TBXAS1: variants seen among roughly 807,000 people sequenced by gnomAD.
TBXAS1 encodes the protein thromboxane A synthase 1.
TBXAS1 carries 48 observed loss-of-function variants against 60.7 expected under a neutral mutation model. That is an observed-to-expected ratio of 0.79 (90% CI 0.63 to 1.01). The LOEUF (loss-of-function observed/expected upper bound fraction) is 1.01, where lower values mean the gene tolerates loss of function less well. Ranked by LOEUF, TBXAS1 falls within the 50% of genes least tolerant of loss-of-function variation. The probability of loss-of-function intolerance (pLI) is 0.00; values close to 1 mark genes in which losing one functional copy is unlikely to be tolerated. For missense variants in TBXAS1, 685 were observed against 686.3 expected (o/e 1.00, Z 0.02); for synonymous variants, 287 against 269.7 (o/e 1.06, Z -0.63).
At chr7:139,861,709 T>C (rs187881304) in intron 1 of TBXAS1, among the ~76,000 whole-genome samples, 1 of 152,336 alleles carries the variant, frequency 6.6e-6, no homozygotes, top group African/African-American at 2.4e-5. Context: ...ATTTTTGTAT[T>C]ATTGTGAACT....
At chr7:139,954,276 A>G (rs74530011) in intron 6 of TBXAS1, among the ~76,000 whole-genome samples, 1,847 of 152,330 alleles carry the variant, frequency 0.012, 36 homozygotes, top group African/African-American at 0.042. Context: ...CAGTTTACAC[A>G]GTCTTTTCAT....
Position 140,004,519 on chromosome 7 carries a change from A to C in TBXAS1, c.1135-2572A>C, listed in dbSNP as rs1168827604. 6.6e-6 allele frequency among the ~76,000 whole-genome samples: 1 copy of C among 152,246 alleles called. No individual in the cohort carries two copies. Among genetic ancestry groups the C allele is most frequent in the Non-Finnish European group, 1.5e-5 (1 of 68,040 alleles). ...TTGTGACTTGTTGGCCAGAAGAGAC[A>C]AACACAAACCAAACTCATAAAGATT... On this transcript the variant is annotated intron_variant, in intron 9 of 12. Coordinates refer to ENST00000448866, the MANE Select transcript of TBXAS1 (RefSeq NM_001061.7). The surrounding 1 kb of genome is among the most constrained non-coding windows in gnomAD (Gnocchi z 5.1).
Position 140,013,099 on chromosome 7 carries a change from A to G in TBXAS1, c.1227-2624A>G, listed in dbSNP as rs1320604045. The stretch of plus-strand genomic sequence containing the variant: ...GACTCCATCTCAAAAAAAAAAAAAA[A>G]AAGAAATTGGGGCAAGATGTATGAC... On this transcript the variant is annotated intron_variant, in intron 10 of 12. Transcript: ENST00000448866. The surrounding 1 kb of genome is among the most constrained non-coding windows in gnomAD (Gnocchi z 4.2). Among the ~76,000 whole-genome samples, 1 of 151,978 alleles carries G rather than the reference A, an allele frequency of 6.6e-6. No homozygotes were observed. The highest frequency in any genetic ancestry group is 1.9e-4 in the East Asian group (1 of 5,194).
At chr7:139,950,107 C>A (rs916505461) in intron 5 of TBXAS1, among the ~76,000 whole-genome samples, 11 of 143,048 alleles carry the variant, frequency 7.7e-5, no homozygotes, top group Admixed American at 1.5e-4. Context: ...ATTCTTGGCT[C>A]ACTGCAACCT....
chr7:139,910,719 A>G (rs1317975068), intron 3 of TBXAS1, among the ~76,000 whole-genome samples: 3 of 152,242 alleles, frequency 2.0e-5, no homozygotes, highest in African/African-American at 7.2e-5. Flanking sequence ...GTTCTTCCCA[A>G]GCAGGTTTAA....
intron 4 of TBXAS1, among the ~76,000 whole-genome samples, chr7:139,790,532 C>T (rs959662518): frequency 6.6e-6 from 1 of 152,190 alleles, no homozygotes; most frequent in Admixed American, 6.5e-5. Flanking sequence ...TAGTCAAGGA[C>T]AGTTGACAAA....
At chr7:139,791,884 G>A (rs1016891643) in intron 4 of TBXAS1, among the ~76,000 whole-genome samples, 1 of 143,800 alleles carries the variant, frequency 7.0e-6, no homozygotes. Context: ...TAATTTTAAA[G>A]TATGGGTGGT....
intron 3 of TBXAS1, among the ~76,000 whole-genome samples, chr7:139,905,844 T>A (rs1805032625): frequency 6.6e-6 from 1 of 152,206 alleles, no homozygotes; most frequent in Non-Finnish European, 1.5e-5. Flanking sequence ...AAATTTTTAA[T>A]TTTGATCAAG....
chr7:139,984,893 A>G, intron 9 of TBXAS1, among the ~76,000 whole-genome samples: 1 of 146,298 alleles, frequency 6.8e-6, no homozygotes, highest in South Asian at 2.2e-4. Flanking sequence ...GAAAGAAAGC[A>G]GCAAAGAAAG....
rs745693905 is a variant in TBXAS1, at chr7:139,829,317, G to A, written c.-74G>A. On this transcript the variant is annotated 5_prime_UTR_variant, in exon 1 of 13. Coordinates refer to ENST00000448866, the MANE Select transcript of TBXAS1 (RefSeq NM_001061.7). ...GTTCCCTTTTCTACCTGCAGAGCACGGTTCCCATAAGGGCGGCGAGATCAG... is the reference window on the plus strand; with the variant it reads ...GTTCCCTTTTCTACCTGCAGAGCACAGTTCCCATAAGGGCGGCGAGATCAG... 7.8e-4 allele frequency: 1,106 copies of A among 1,413,994 alleles called. 1 individual carries two copies. The highest frequency in any genetic ancestry group is 1.0e-3 in the Non-Finnish European group (1,019 of 1,012,692). 87.6% of individuals were successfully genotyped at this position (1,413,994 alleles called of 1,614,324 possible).
chr7:139,884,074 A>G (rs552902004), intron 3 of TBXAS1, among the ~76,000 whole-genome samples: 88 of 152,300 alleles, frequency 5.8e-4, no homozygotes, highest in African/African-American at 2.1e-3. Flanking sequence ...AAATTGTTAG[A>G]GGCCATTGTG....
rs1368284515 is a variant in TBXAS1 at position 139,778,841 on chromosome 7, C to T, written c.-318+370C>T. On this transcript the variant is annotated intron_variant, in intron 1 of 16. Transcript: ENST00000336425. The surrounding 1 kb of genome is among the most constrained non-coding windows in gnomAD (Gnocchi z 4.8). ...CAGGTTTGCTTCTCCAGCTGCCTCC[C>T]GGATGCTTGGATAGGATGCCCTGCC... 6.6e-6 allele frequency among the ~76,000 whole-genome samples: 1 copy of T among 152,178 alleles called. No individual in the cohort carries two copies. Among genetic ancestry groups the T allele is most frequent in the Non-Finnish European group, 1.5e-5 (1 of 68,036 alleles).
chr7:139,984,950 G>GAA (rs763284213), intron 9 of TBXAS1, among the ~76,000 whole-genome samples: 2 of 142,542 alleles, frequency 1.4e-5, no homozygotes, highest in Non-Finnish European at 3.0e-5. Flanking sequence ...GAAAAGAAAA[G>GAA]AAAGAAAGAA....
In TBXAS1 at chr7:139,803,668, C is replaced by A. The variant is rs189835566; in HGVS notation, c.-80+16242C>A. ...GTTTCCTGGGCCAGGCCCAGGCCCC[C>A]ACTGTGTGCAGCCTAGGAACTTGGT... On this transcript the variant is annotated intron_variant, in intron 4 of 16. Coordinates refer to the TBXAS1 transcript ENST00000336425. Among the ~76,000 whole-genome samples, 505 of 152,280 alleles carry A rather than the reference C, an allele frequency of 3.3e-3. 1 individual carries two copies. The highest frequency in any genetic ancestry group is 3.8e-3 in the Non-Finnish European group (260 of 68,016).
At chr7:139,884,892 T>C (rs1334180111) in intron 3 of TBXAS1, among the ~76,000 whole-genome samples, 1 of 152,168 alleles carries the variant, frequency 6.6e-6, no homozygotes, top group East Asian at 1.9e-4. Flanking sequence ...CACAGCATCA[T>C]GTGAGGCCCA....
chr7:139,792,108 G>A (rs557699858), intron 4 of TBXAS1, among the ~76,000 whole-genome samples: 6 of 152,136 alleles, frequency 3.9e-5, no homozygotes, highest in Middle Eastern at 3.4e-3. Flanking sequence ...TATCAGTTTC[G>A]TGCATATCAT....
intron 4 of TBXAS1, among the ~76,000 whole-genome samples, chr7:139,794,436 C>G (rs1185438480): frequency 1.3e-5 from 2 of 152,060 alleles, no homozygotes; most frequent in Non-Finnish European, 2.9e-5. Context: ...ACATTTTGTG[C>G]TTTATAATCC....
intron 4 of TBXAS1, among the ~76,000 whole-genome samples, chr7:139,815,463 AAC>A (rs1200391058): frequency 6.6e-6 from 1 of 152,256 alleles, no homozygotes; most frequent in Non-Finnish European, 1.5e-5. Context: ...GGCAGTGAAT[AAC>A]ACAGCCCAAA....
intron 1 of TBXAS1, among the ~76,000 whole-genome samples, chr7:139,841,546 C>G (rs1799451302): frequency 6.7e-6 from 1 of 150,054 alleles, no homozygotes; most frequent in African/African-American, 2.5e-5. Flanking sequence ...GATTTAATAA[C>G]TCAGTGATGA....
Sources: allele counts gnomAD v4.1 joint callset (sites outside exome capture counted in the v4.1 genomes callset), GRCh38; gene constraint gnomAD v4.1.1; non-coding constraint Gnocchi (gnomAD v3.1); transcripts MANE v1.5; gene names NCBI Gene and HGNC (gene_info 2026-07-23, HGNC 2026-07-21).